HMCN1: variants seen among roughly 807,000 people sequenced by gnomAD.
The protein encoded by HMCN1 is hemicentin-1.
In HMCN1, 321 loss-of-function variants were observed where a neutral mutation model predicts 625.9. The ratio of observed to expected loss-of-function variants is 0.51; its 90% CI spans 0.47 to 0.56. The LOEUF is 0.56. Among genes scored for constraint, HMCN1 ranks in the 20% least tolerant of loss-of-function variants. The pLI is 0.00. For synonymous variants in HMCN1, 2,425 were observed against 2,417.6 expected (o/e 1.00, Z -0.09); for missense variants, 6,588 against 6,887.3 (o/e 0.96, Z 1.54).
At chr1:186,117,891 A>G (rs975966263) in intron 77 of HMCN1, among the ~76,000 whole-genome samples, 2 of 152,200 alleles carry the variant, frequency 1.3e-5, no homozygotes, top group African/African-American at 4.8e-5. Context: ...ATTTATGTGT[A>G]TATTTACCAA....
At chr1:186,079,844 A>G (rs550848494) in intron 55 of HMCN1, among the ~76,000 whole-genome samples, 3 of 152,254 alleles carry the variant, frequency 2.0e-5, no homozygotes, top group East Asian at 1.9e-4. Flanking sequence ...CTGGTCCCCA[A>G]ATTCTGAGTT....
rs777282104 is a variant in HMCN1, at chr1:186,065,394, G to A, written c.7670G>A (p.Gly2557Asp). 9 of 1,609,374 alleles carry A rather than the reference G, an allele frequency of 5.6e-6. No homozygotes were observed. The highest frequency in any genetic ancestry group is 7.6e-6 in the Non-Finnish European group (9 of 1,179,510). Residue 2557 changes from glycine to aspartate, a missense_variant, in exon 49 of 107, where the codon GGC (glycine) becomes GAC (aspartate). Transcript: ENST00000271588. ...RYTCLASSPAGHKSRSFSLNV... is the reference protein window; with the variant it reads ...RYTCLASSPADHKSRSFSLNV... ...ACATGTTTGGCTTCCAGTCCAGCTG[G>A]CCACAAGAGCAGGAGCTTCAGTCTT...
intron 1 of HMCN1, among the ~76,000 whole-genome samples, chr1:185,797,352 A>G (rs1428099026): frequency 1.3e-5 from 2 of 152,152 alleles, no homozygotes; most frequent in Non-Finnish European, 2.9e-5. Flanking sequence ...TGCCCAGGAT[A>G]TAGTACAGAG....
rs1558111571 is a variant in HMCN1, at chr1:185,977,849, T to C, written c.2434T>C (p.Leu812=). Residue 812 remains leucine (L), a synonymous_variant, in exon 16 of 107, where the codon TTA becomes CTA. Transcript: ENST00000271588. ...VSMEIGSNVT[L]PCYVQGYPEP... ...TATGGAAATTGGCTCAAATGTGACA[T>C]TACCTTGTTATGTTCAGGGTTATCC... 1 of 1,613,282 alleles carries C rather than the reference T, an allele frequency of 6.2e-7. No homozygotes were observed. Among genetic ancestry groups the C allele is most frequent in the Non-Finnish European group, 8.5e-7 (1 of 1,179,426 alleles).
rs10911802 is a variant in HMCN1 at position 186,039,717 on chromosome 1, G to T, written c.6029-11G>T. The T allele has an allele frequency of 1.2e-3, 2,015 of 1,612,780 alleles. 21 individuals are homozygous for T. In the African/African-American group the frequency reaches 0.022, roughly 18 times the overall value. On this transcript the variant is annotated splice_polypyrimidine_tract_variant and intron_variant, in intron 38 of 106. Transcript: ENST00000271588. ...ATATTAACGTGTCTTACTTTCATTT[G>T]TTTTTTTCAGTGGCCCCATCAATTT...
rs752402720 is a variant in HMCN1 at position 186,055,677 on chromosome 1, AAGT to A, written c.7144+6_7144+8del. ...AAAATATGACTTAAGTGTCCATGGT[AAGT>A]AGAAAGAGGCTCAATATGTCCATTC... On this transcript the variant is annotated splice_donor_5th_base_variant and intron_variant, in intron 45 of 106. Coordinates refer to ENST00000271588, the MANE Select transcript of HMCN1 (RefSeq NM_031935.3). The A allele has an allele frequency of 1.2e-6, 2 of 1,612,230 alleles. No homozygotes were observed. Among genetic ancestry groups the A allele is most frequent in the South Asian group, 2.2e-5 (2 of 91,028 alleles).
intron 11 of HMCN1, among the ~76,000 whole-genome samples, chr1:185,949,838 T>A (rs1280463831): frequency 6.6e-6 from 1 of 151,744 alleles, no homozygotes; most frequent in Non-Finnish European, 1.5e-5. Context: ...ATCCTGGAGC[T>A]TGATGTGTAG....
At chr1:185,953,843 G>A (rs905068519) in intron 11 of HMCN1, among the ~76,000 whole-genome samples, 5 of 151,672 alleles carry the variant, frequency 3.3e-5, no homozygotes, top group African/African-American at 1.2e-4. Flanking sequence ...GGGTGCAGGT[G>A]GGCTGAGTCC....
intron 1 of HMCN1, among the ~76,000 whole-genome samples, chr1:185,806,914 CTT>C (rs952315127): frequency 6.6e-6 from 1 of 152,016 alleles, no homozygotes; most frequent in Non-Finnish European, 1.5e-5. Flanking sequence ...CATTTCCTGT[CTT>C]ATACATTTTT....
intron 97 of HMCN1, among the ~76,000 whole-genome samples, chr1:186,163,974 CA>C (rs1178778783): frequency 2.0e-5 from 3 of 152,164 alleles, no homozygotes; most frequent in Non-Finnish European, 4.4e-5. Flanking sequence ...ATTTTTTCCA[CA>C]ATTATGTCCC....
intron 29 of HMCN1, among the ~76,000 whole-genome samples, chr1:186,005,323 T>C (rs903587661): frequency 2.7e-5 from 4 of 147,036 alleles, no homozygotes; most frequent in Non-Finnish European, 4.5e-5. Context: ...TAAATGTTTA[T>C]AAACAATTTT....
At chr1:185,743,203 G>A (rs1654105410) in intron 1 of HMCN1, among the ~76,000 whole-genome samples, 1 of 152,154 alleles carries the variant, frequency 6.6e-6, no homozygotes, top group African/African-American at 2.4e-5. Flanking sequence ...AATATTTCAT[G>A]AATGAATGAA....
chr1:185,887,361 G>A (rs547716011), intron 4 of HMCN1, among the ~76,000 whole-genome samples: 150 of 151,448 alleles, frequency 9.9e-4, no homozygotes, highest in African/African-American at 3.4e-3. Flanking sequence ...CATTGTGCAG[G>A]TTAGTTACAT....
chr1:185,973,880 T>G (rs1651010349), intron 15 of HMCN1, among the ~76,000 whole-genome samples: 1 of 152,148 alleles, frequency 6.6e-6, no homozygotes, highest in Non-Finnish European at 1.5e-5. Flanking sequence ...GTTTCATGCT[T>G]TGCGGTTTGG....
At chr1:185,893,868 T>C (rs1665306391) in intron 4 of HMCN1, among the ~76,000 whole-genome samples, 1 of 152,210 alleles carries the variant, frequency 6.6e-6, no homozygotes. Flanking sequence ...CCTGGATAGC[T>C]AGCACTCAGA....
At chr1:186,152,048 A>T (rs1312457475) in intron 95 of HMCN1, among the ~76,000 whole-genome samples, 4 of 152,222 alleles carry the variant, frequency 2.6e-5, no homozygotes, top group Non-Finnish European at 5.9e-5. Flanking sequence ...AAGAAGGAAA[A>T]TGAGTTACTG....
chr1:186,043,508 T>A (rs543077439), intron 40 of HMCN1, among the ~76,000 whole-genome samples: 85 of 152,310 alleles, frequency 5.6e-4, no homozygotes, highest in African/African-American at 1.9e-3. Context: ...AAAAAGTAAC[T>A]GAAGGAAAAT....
rs1446380231 is a variant in HMCN1 at position 186,068,001 on chromosome 1, C to A, written c.7873C>A (p.Leu2625Ile). 5 of 1,612,598 alleles carry A rather than the reference C, an allele frequency of 3.1e-6. No individual in the cohort carries two copies. The Admixed American group carries it at 8.3e-5, about 27-fold the overall frequency. Residue 2625 changes from leucine (L) to isoleucine (I), a missense_variant, in exon 50 of 107, where the codon CTT becomes ATT. Transcript: ENST00000271588. The stretch of plus-strand genomic sequence containing the variant: ...AGAATCTAACCGAAATATTCGTATT[C>A]TTCCAGGTAATTCATTTGCTTCAGA... ...PLESNRNIRI[L>I]PGGRTLQILN...
chr1:185,869,825 T>C (rs532714061), intron 4 of HMCN1, among the ~76,000 whole-genome samples: 1 of 152,252 alleles, frequency 6.6e-6, no homozygotes, highest in South Asian at 2.1e-4. Context: ...TCACATTTAA[T>C]AGACATAAGA....
Sources: allele counts gnomAD v4.1 joint callset (sites outside exome capture counted in the v4.1 genomes callset), GRCh38; gene constraint gnomAD v4.1.1; transcripts MANE v1.5; gene names NCBI Gene and HGNC (gene_info 2026-07-23, HGNC 2026-07-21).